Variants in GABRG2 observed in about 807,000 individuals in gnomAD.
GABRG2 encodes gamma-aminobutyric acid type A receptor subunit gamma2, also known as gamma-aminobutyric acid receptor subunit gamma-2.
Under a neutral mutation model 56.4 loss-of-function variants are expected in GABRG2, and 16 were observed. The ratio of observed to expected loss-of-function variants is 0.28; its 90% CI spans 0.19 to 0.43. GABRG2 has a LOEUF of 0.43. Among genes scored for constraint, GABRG2 ranks in the 20% least tolerant of loss-of-function variants. GABRG2 has a pLI of 1.00. For synonymous variants in GABRG2, 208 were observed against 205.5 expected (o/e 1.01, Z -0.10); for missense variants, 327 against 582.7 (o/e 0.56, Z 4.52).
At chr5:162,152,799 C>A in intron 9 of GABRG2, 1 of 588,944 alleles carries the variant, frequency 1.7e-6, no homozygotes, top group South Asian at 2.1e-5. Flanking sequence ...AATAAGATTC[C>A]ATGTAATTTG....
intron 7 of GABRG2, among the ~76,000 whole-genome samples, chr5:162,147,557 G>A (rs1029594368): frequency 6.6e-6 from 1 of 152,050 alleles, no homozygotes; most frequent in Non-Finnish European, 1.5e-5. Context: ...GTAGAGACAA[G>A]GTTTCACTAT....
intron 6 of GABRG2, among the ~76,000 whole-genome samples, chr5:162,120,190 C>T (rs1484646228): frequency 6.6e-6 from 1 of 152,096 alleles, no homozygotes; most frequent in Non-Finnish European, 1.5e-5. Flanking sequence ...ACTTGCCTTT[C>T]CCTGTCTTTT....
chr5:162,135,781 T>C (rs1179435665), intron 6 of GABRG2, among the ~76,000 whole-genome samples: 1 of 151,908 alleles, frequency 6.6e-6, no homozygotes. Flanking sequence ...AAGAACCCTG[T>C]GGGAAGAGGA....
chr5:162,153,510 A>G lies in GABRG2; in HGVS notation c.*142A>G. 9.5e-7 allele frequency: 1 copy of G among 1,050,778 alleles called. No individual in the cohort carries two copies. The highest frequency in any genetic ancestry group is 1.3e-5 in the South Asian group (1 of 76,388). 65.1% of individuals were successfully genotyped at this position (1,050,778 alleles called of 1,614,324 possible). A position where few individuals can be genotyped will look rare whatever the true frequency, so the allele number is the denominator to read the frequency against. On this transcript the variant is annotated 3_prime_UTR_variant, in exon 10 of 10. Transcript: ENST00000639213. ...ATGTCCAAACCTGGTAAATTTTATA[A>G]TGTCATATTGTTTGTGCCCAGCCCT...
At position 162,122,623 on chromosome 5, in the gene GABRG2, A is replaced by G. The variant is rs903491589; in HGVS notation, c.769+18597A>G. Among the ~76,000 whole-genome samples the G allele has an allele frequency of 3.3e-5, 5 of 151,702 alleles. No individual in the cohort carries two copies. In the South Asian group the frequency reaches 6.2e-4, roughly 19 times the overall value. On this transcript the variant is annotated intron_variant, in intron 6 of 9. Transcript: ENST00000639213. ...ATGACAGACCACCCATTATATTTCA[A>G]TTGTCTTGAAATATAATTTTAAAAA... is the stretch of plus-strand genomic sequence containing the variant.
At chr5:162,092,068 A>G (rs1760644731) in intron 1 of GABRG2, among the ~76,000 whole-genome samples, 5 of 152,010 alleles carry the variant, frequency 3.3e-5, no homozygotes, top group Admixed American at 3.3e-4. Flanking sequence ...GAGCTTTTTT[A>G]TTTTCTTTCC....
intron 6 of GABRG2, among the ~76,000 whole-genome samples, chr5:162,109,413 TATATATA>T (rs1561647269): frequency 5.3e-4 from 74 of 139,918 alleles, no homozygotes; most frequent in African/African-American, 1.5e-3. Context: ...TATATATATA[TATATATA>T]TATTTATTTA....
intron 6 of GABRG2, among the ~76,000 whole-genome samples, chr5:162,119,765 AT>A (rs1005533567): frequency 1.3e-5 from 2 of 152,046 alleles, no homozygotes; most frequent in African/African-American, 4.8e-5. Flanking sequence ...TGTCATTCCC[AT>A]TTTTATTTTT....
intron 1 of GABRG2, 32 bp from the exon 2 acceptor site, chr5:162,093,796 A>G (rs1025184962): frequency 1.9e-6 from 3 of 1,601,686 alleles, no homozygotes; most frequent in African/African-American, 1.3e-5. Flanking sequence ...TGTGTAATCT[A>G]TGTGTTTTTT....
chr5:162,068,865 G>A (rs1038406790), intron 1 of GABRG2, among the ~76,000 whole-genome samples: 6 of 152,080 alleles, frequency 3.9e-5, no homozygotes, highest in Admixed American at 6.6e-5. Context: ...ATGGGAAGGG[G>A]ACTATTGGGC....
At chr5:162,111,115 A>C (rs1473912189) in intron 6 of GABRG2, among the ~76,000 whole-genome samples, 1 of 152,170 alleles carries the variant, frequency 6.6e-6, no homozygotes, top group African/African-American at 2.4e-5. Context: ...CTTTCTTTAT[A>C]AATGAATATT....
Position 162,143,253 on chromosome 5 carries a change from A to G in GABRG2, c.922+937A>G, listed in dbSNP as rs1255286121. On this transcript the variant is annotated intron_variant, in intron 7 of 9. Transcript: ENST00000639213. The stretch of plus-strand genomic sequence containing the variant: ...ACCAGCACGCCATTGGCTGTTGGCT[A>G]TTCCCCACGAGTAATTATTGGGATA... 3.3e-5 allele frequency among the ~76,000 whole-genome samples: 5 copies of G among 152,196 alleles called. No homozygotes were observed. In the East Asian group the frequency reaches 9.6e-4, roughly 29 times the overall value.
intron 7 of GABRG2, among the ~76,000 whole-genome samples, chr5:162,145,295 G>T (rs924087136): frequency 6.6e-6 from 1 of 152,166 alleles, no homozygotes; most frequent in Admixed American, 6.5e-5. Flanking sequence ...TATTTCTGGT[G>T]TAGTGACAAT....
chr5:162,086,155 C>CA (rs1194764910), intron 1 of GABRG2, among the ~76,000 whole-genome samples: 3 of 151,972 alleles, frequency 2.0e-5, no homozygotes, highest in African/African-American at 4.8e-5. Context: ...GGCAACCATA[C>CA]AATAGCATGT....
intron 6 of GABRG2, among the ~76,000 whole-genome samples, chr5:162,123,469 C>T (rs769094263): frequency 3.3e-5 from 5 of 151,472 alleles, no homozygotes; most frequent in South Asian, 4.2e-4. Context: ...TAAGCATTAA[C>T]CAATAAAAAA....
intron 1 of GABRG2, among the ~76,000 whole-genome samples, chr5:162,092,948 G>T (rs1250247468): frequency 1.3e-5 from 2 of 152,070 alleles, no homozygotes; most frequent in African/African-American, 4.8e-5. Flanking sequence ...CATCATCTTG[G>T]CGGGGTTGCC....
At chr5:162,127,373 GTTTGTTT>G in intron 6 of GABRG2, among the ~76,000 whole-genome samples, 1 of 151,798 alleles carries the variant, frequency 6.6e-6, no homozygotes, top group South Asian at 2.1e-4. Context: ...GGTTGTTCTA[GTTTGTTT>G]TCTTCATCTA....
intron 6 of GABRG2, among the ~76,000 whole-genome samples, chr5:162,109,420 A>G (rs866014695): frequency 8.6e-6 from 1 of 116,130 alleles, no homozygotes; most frequent in Admixed American, 8.9e-5. Flanking sequence ...ATATATATAT[A>G]TATTTATTTA....
chr5:162,130,487 C>G (rs1207246728), intron 6 of GABRG2, among the ~76,000 whole-genome samples: 2 of 151,812 alleles, frequency 1.3e-5, no homozygotes, highest in Non-Finnish European at 2.9e-5. Context: ...ATGTCAGTGC[C>G]TGGGTTAGAT....
Sources: gnomAD v4.1 joint callset for allele counts (sites outside exome capture counted in the v4.1 genomes callset) on GRCh38, gnomAD v4.1.1 for gene constraint, MANE v1.5 for transcripts, NCBI Gene and HGNC (gene_info 2026-07-23, HGNC 2026-07-21) for gene names.